Variants in WDPCP observed in about 807,000 individuals in gnomAD.
WDPCP encodes the protein WD repeat-containing and planar cell polarity effector protein fritz homolog.
Under a neutral mutation model 93.1 loss-of-function variants are expected in WDPCP, and 71 were observed. The observed-to-expected ratio is 0.76, with a 90% CI of 0.63 to 0.93. The LOEUF is 0.93. WDPCP is among the 40% of genes least tolerant of loss of function. The pLI is 0.00. For missense variants in WDPCP, 844 were observed against 887.4 expected, an observed-to-expected ratio of 0.95 and a Z score of 0.62; for synonymous variants, 315 against 315.0, an observed-to-expected ratio of 1.00 and a Z score of 0.00.
At chr2:63,413,196 A>G (rs1451767487) in intron 9 of WDPCP, among the ~76,000 whole-genome samples, 1 of 152,228 alleles carries the variant, frequency 6.6e-6, no homozygotes, top group African/African-American at 2.4e-5. Flanking sequence ...GGAACAGAAT[A>G]AAGAATCCAG....
At chr2:63,481,292 G>A (rs2105887438) in intron 6 of WDPCP, among the ~76,000 whole-genome samples, 1 of 152,200 alleles carries the variant, frequency 6.6e-6, no homozygotes, top group South Asian at 2.1e-4. Flanking sequence ...CACTGCTGGT[G>A]AAAATGTAAA....
chr2:63,521,569 A>G (rs561082339), intron 1 of WDPCP, among the ~76,000 whole-genome samples: 2 of 152,342 alleles, frequency 1.3e-5, no homozygotes, highest in East Asian at 1.9e-4. Flanking sequence ...TAAACACACA[A>G]TAATACTGGG....
intron 10 of WDPCP, among the ~76,000 whole-genome samples, chr2:63,392,875 A>G (rs1353557527): frequency 6.6e-6 from 1 of 152,240 alleles, no homozygotes; most frequent in African/African-American, 2.4e-5. Flanking sequence ...ATCATTAAAA[A>G]GTCAGGAAAA....
At chr2:63,824,735 G>T (rs563893660) in intron 1 of WDPCP, among the ~76,000 whole-genome samples, 1 of 151,878 alleles carries the variant, frequency 6.6e-6, no homozygotes, top group East Asian at 1.9e-4. Flanking sequence ...GGTCATTTGT[G>T]TATCTCTTTT....
chr2:63,260,015 G>A (rs1681495021), intron 13 of WDPCP, among the ~76,000 whole-genome samples: 1 of 152,164 alleles, frequency 6.6e-6, no homozygotes, highest in Non-Finnish European at 1.5e-5. Context: ...GCACATATGT[G>A]CAGAGTGCTG....
intron 2 of WDPCP, among the ~76,000 whole-genome samples, chr2:63,749,156 T>C (rs890800926): frequency 6.6e-6 from 1 of 152,100 alleles, no homozygotes; most frequent in Non-Finnish European, 1.5e-5. Context: ...GTTTAGAACT[T>C]TGATATTTCA....
chr2:63,143,073 C>T (rs1189415170), intron 17 of WDPCP, among the ~76,000 whole-genome samples: 1 of 152,018 alleles, frequency 6.6e-6, no homozygotes, highest in Non-Finnish European at 1.5e-5. Context: ...GCCCCAGCCT[C>T]GTGGAGTAGC....
chr2:63,313,886 A>ATGTGTGTGTGTATATATATAGATATTTT, intron 12 of WDPCP, among the ~76,000 whole-genome samples: 2 of 74,502 alleles, frequency 2.7e-5, no homozygotes, highest in African/African-American at 5.2e-5. Context: ...ATATATATAT[A>ATGTGTGTGTGTATATATATAGATATTTT]TTTTTTTTTT....
rs1020536493 is a variant in WDPCP at position 63,492,142 on chromosome 2, G to C, written c.160+714C>G. Among the ~76,000 whole-genome samples the C allele has an allele frequency of 2.6e-5, 4 of 151,906 alleles. No individual in the cohort carries two copies. In the South Asian group the frequency reaches 8.3e-4, roughly 32 times the overall value. ...AATATGAAGAAACAATACTTTGTAA[G>C]GTAAATCATTTTCTTAGTAATGATG... On this transcript the variant is annotated intron_variant, in intron 2 of 17. Coordinates refer to ENST00000272321, the MANE Select transcript of WDPCP (RefSeq NM_015910.7).
rs767789903 is a variant in WDPCP at position 63,120,129 on chromosome 2, T to C, written c.*1877A>G. Among the ~76,000 whole-genome samples, 1 of 152,186 alleles carries C rather than the reference T, an allele frequency of 6.6e-6. No individual in the cohort carries two copies. Among genetic ancestry groups the C allele is most frequent in the Non-Finnish European group, 1.5e-5 (1 of 68,014 alleles). ...GAAAGGTATTTTGGGTTAATGACTA[T>C]TTACCCGGAAAATCTGGAGAAAATT... On this transcript the variant is annotated 3_prime_UTR_variant, in exon 18 of 18. Coordinates refer to ENST00000272321, the MANE Select transcript of WDPCP (RefSeq NM_015910.7).
intron 1 of WDPCP, among the ~76,000 whole-genome samples, chr2:63,555,299 T>G (rs182127462): frequency 2.6e-5 from 4 of 152,166 alleles, no homozygotes; most frequent in African/African-American, 7.2e-5. Context: ...CCTGAGGGAA[T>G]TTCAGCAACT....
chr2:63,157,902 T>G (rs575300123), intron 15 of WDPCP, among the ~76,000 whole-genome samples: 3 of 152,248 alleles, frequency 2.0e-5, no homozygotes, highest in South Asian at 4.1e-4. Flanking sequence ...CTGCTTCCTT[T>G]GAGTTTACTT....
At chr2:63,474,390 T>G (rs1176408745) in intron 6 of WDPCP, among the ~76,000 whole-genome samples, 1 of 152,110 alleles carries the variant, frequency 6.6e-6, no homozygotes, top group African/African-American at 2.4e-5. Context: ...ATTTTAAACA[T>G]TTACTTTAAT....
chr2:63,298,751 G>A (rs1260693819), intron 13 of WDPCP, among the ~76,000 whole-genome samples: 1 of 152,150 alleles, frequency 6.6e-6, no homozygotes, highest in Admixed American at 6.5e-5. Context: ...AAGGTCCTAT[G>A]TAGTCTACCT....
chr2:63,302,233 C>G (rs1685386542), intron 13 of WDPCP, among the ~76,000 whole-genome samples: 1 of 152,158 alleles, frequency 6.6e-6, no homozygotes, highest in Non-Finnish European at 1.5e-5. Flanking sequence ...GCTCCTAAGC[C>G]AAACCCTAAC....
intron 3 of WDPCP, among the ~76,000 whole-genome samples, chr2:63,645,922 A>G (rs1710042775): frequency 6.6e-6 from 1 of 152,122 alleles, no homozygotes; most frequent in Admixed American, 6.6e-5. Flanking sequence ...TCTTGTAGGC[A>G]AGGGATCACT....
At chr2:63,471,837 A>C (rs1699710159) in intron 6 of WDPCP, among the ~76,000 whole-genome samples, 1 of 152,206 alleles carries the variant, frequency 6.6e-6, no homozygotes, top group African/African-American at 2.4e-5. Flanking sequence ...GCTTTAGGGC[A>C]TCACATCTTT....
rs573657896 is a variant in WDPCP, at chr2:63,809,416, A to G, written n.308+4206T>C. Among the ~76,000 whole-genome samples, 251 of 152,334 alleles carry G rather than the reference A, an allele frequency of 1.6e-3. 1 individual carries two copies. Among genetic ancestry groups the G allele is most frequent in the African/African-American group, 5.7e-3 (237 of 41,578 alleles). ...ACCACCCCGTCTGGGAGGTGTGCCC[A>G]ACAGCTCATTGAGAACGGGCCATGA... On this transcript the variant is annotated intron_variant and non_coding_transcript_variant, in intron 2 of 4. Transcript: ENST00000467687.
At chr2:63,791,227 T>C (rs959779476) in intron 2 of WDPCP, among the ~76,000 whole-genome samples, 12 of 152,200 alleles carry the variant, frequency 7.9e-5, no homozygotes, top group Non-Finnish European at 4.4e-5. Context: ...CAATATATTG[T>C]AAGTGGAATT....
Sources: allele counts gnomAD v4.1 joint callset (sites outside exome capture counted in the v4.1 genomes callset), GRCh38; gene constraint gnomAD v4.1.1; transcripts MANE v1.5; gene names NCBI Gene and HGNC (gene_info 2026-07-23, HGNC 2026-07-21).